The following NTMT2 variants were observed in gnomAD, a reference collection of about 807,000 sequenced individuals.
NTMT2 encodes X-Pro-Lys N-terminal protein methyltransferase 1B.
In NTMT2, 21 loss-of-function variants were observed where a neutral mutation model predicts 23.4. The observed-to-expected ratio is 0.90, with a 90% CI of 0.64 to 1.29. The LOEUF is 1.29. NTMT2 is among the 50% of genes most tolerant of loss of function. The pLI is 0.00. For synonymous variants in NTMT2, 131 were observed against 127.7 expected (o/e 1.03, Z -0.17); for missense variants, 336 against 352.0 (o/e 0.95, Z 0.36).
intron 2 of NTMT2, among the ~76,000 whole-genome samples, chr1:170,162,306 C>T (rs935786534): frequency 3.3e-5 from 5 of 152,132 alleles, no homozygotes; most frequent in African/African-American, 1.2e-4. Flanking sequence ...TGGGGTTAGG[C>T]CATCAACCGA....
intron 1 of NTMT2, among the ~76,000 whole-genome samples, chr1:170,153,650 A>G (rs1283473900): frequency 6.6e-6 from 1 of 152,238 alleles, no homozygotes; most frequent in Non-Finnish European, 1.5e-5. Context: ...AAATTTCTAA[A>G]CAGCAAAACA....
rs1673419549 is a variant in NTMT2, at chr1:170,167,545, GA to G, written c.644del (p.Asn215MetfsTer6). 6.4e-7 allele frequency: 1 copy of G among 1,551,582 alleles called. No homozygotes were observed. Among genetic ancestry groups the G allele is most frequent in the Non-Finnish European group, 8.7e-7 (1 of 1,147,016 alleles). ...TTCCCGGTGCCGAGATGGCCTGAAA[GA>G]AAATGGCATCATCATATTGAAGGAC... The part of the protein sequence containing the change: ...FLSRCRDGLK[E>X]NGIIILKDNV... On this transcript the variant is annotated frameshift_variant, in exon 4 of 4. Transcript: ENST00000439373. LOFTEE classifies it high-confidence loss of function.
intron 2 of NTMT2, among the ~76,000 whole-genome samples, chr1:170,166,142 T>TTTTC (rs1673378206): frequency 7.5e-6 from 1 of 133,046 alleles, no homozygotes; most frequent in Non-Finnish European, 1.6e-5. Flanking sequence ...TTTTTTTTCT[T>TTTTC]TTTTTTTTTT....
chr1:170,147,832 C>T (rs1672995232), intron 1 of NTMT2, among the ~76,000 whole-genome samples: 1 of 152,190 alleles, frequency 6.6e-6, no homozygotes, highest in Non-Finnish European at 1.5e-5. Flanking sequence ...ATAGTCTCTT[C>T]TGAAAAGCAG....
chr1:170,155,555 T>A (rs1228185331), intron 1 of NTMT2, among the ~76,000 whole-genome samples: 1 of 152,126 alleles, frequency 6.6e-6, no homozygotes, highest in Non-Finnish European at 1.5e-5. Flanking sequence ...AGGGCTAACT[T>A]GATCAAATAT....
At chr1:170,154,619 C>T (rs948124925) in intron 1 of NTMT2, among the ~76,000 whole-genome samples, 4 of 152,180 alleles carry the variant, frequency 2.6e-5, no homozygotes, top group African/African-American at 9.7e-5. Flanking sequence ...AATGTTTACC[C>T]AATACCTGTA....
intron 1 of NTMT2, among the ~76,000 whole-genome samples, chr1:170,158,895 C>T (rs981844895): frequency 6.6e-6 from 1 of 151,824 alleles, no homozygotes; most frequent in Non-Finnish European, 1.5e-5. Context: ...TGTGCCTGTT[C>T]TCATATCTCT....
chr1:170,164,248 A>G (rs1280418968), intron 2 of NTMT2, among the ~76,000 whole-genome samples: 2 of 152,366 alleles, frequency 1.3e-5, no homozygotes, highest in Non-Finnish European at 2.9e-5. Context: ...ATGGTGTCCA[A>G]TAAAGTTCAT....
chr1:170,159,432 T>TG (rs1302733031), intron 1 of NTMT2, among the ~76,000 whole-genome samples: 2 of 149,892 alleles, frequency 1.3e-5, no homozygotes, highest in African/African-American at 4.9e-5. Context: ...TTTTTTTTTT[T>TG]TTTTTTTTTT....
At chr1:170,156,520 A>AT (rs1673167248) in intron 1 of NTMT2, among the ~76,000 whole-genome samples, 1 of 152,152 alleles carries the variant, frequency 6.6e-6, no homozygotes, top group African/African-American at 2.4e-5. Flanking sequence ...TAAATATTAC[A>AT]TTAAATAAAA....
Position 170,156,172 on chromosome 1 carries a change from C to A in NTMT2, c.155-4346C>A, listed in dbSNP as rs945735024. 1.4e-4 allele frequency among the ~76,000 whole-genome samples: 21 copies of A among 152,244 alleles called. 4 individuals are homozygous for A. The highest frequency in any genetic ancestry group is 5.2e-4 in the Admixed American group (8 of 15,272). On this transcript the variant is annotated intron_variant, in intron 1 of 3. Transcript: ENST00000439373. ...CATGGTTAAGGTCTTATGGAGTCTTCTTGCTGCTACTTGCAGGCATCTGCT... is the reference window on the plus strand; with the variant it reads ...CATGGTTAAGGTCTTATGGAGTCTTATTGCTGCTACTTGCAGGCATCTGCT...
chr1:170,157,292 A>G (rs1237119162), intron 1 of NTMT2, among the ~76,000 whole-genome samples: 1 of 152,142 alleles, frequency 6.6e-6, no homozygotes, highest in African/African-American at 2.4e-5. Context: ...TAAAATAGCA[A>G]AAAAGCTTCT....
At chr1:170,167,360 G>T in intron 3 of NTMT2, 126 bp from the exon 4 acceptor site, 1 of 849,538 alleles carries the variant, frequency 1.2e-6, no homozygotes, top group South Asian at 1.8e-5. Context: ...GTAACTAAAT[G>T]AGGCTATTAA....
intron 1 of NTMT2, among the ~76,000 whole-genome samples, chr1:170,160,189 T>C (rs942483144): frequency 1.3e-5 from 2 of 152,170 alleles, no homozygotes; most frequent in Admixed American, 1.3e-4. Context: ...ATTCTTTACA[T>C]TATTGTAGCT....
chr1:170,166,782 TC>T, intron 3 of NTMT2, 31 bp downstream of exon 3: 1 of 1,548,110 alleles, frequency 6.5e-7, no homozygotes, highest in African/African-American at 1.4e-5. Flanking sequence ...CCTCTGCTTT[TC>T]TCCCCTTCTC....
intron 2 of NTMT2, among the ~76,000 whole-genome samples, chr1:170,161,845 C>A (rs1308597211): frequency 6.6e-6 from 1 of 152,178 alleles, no homozygotes; most frequent in Non-Finnish European, 1.5e-5. Flanking sequence ...GTAATCCCAG[C>A]ACTTTATGAG....
chr1:170,165,469 C>T (rs1166345092), intron 2 of NTMT2, among the ~76,000 whole-genome samples: 2 of 152,282 alleles, frequency 1.3e-5, no homozygotes, highest in Non-Finnish European at 2.9e-5. Context: ...CAAAACTACC[C>T]TTTATCCATG....
rs1171914134 is a variant in NTMT2 at position 170,166,541 on chromosome 1, G to C, written c.370G>C (p.Gly124Arg). Residue 124 changes from glycine to arginine, a missense_variant, in exon 3 of 4, where the codon GGC becomes CGC. Gly to Arg is a moderately radical substitution (Grantham distance 125). Coordinates refer to ENST00000439373, the MANE Select transcript of NTMT2 (RefSeq NM_001136107.2). Reference sequence around the variant, plus strand: ...TGGAACAGACTGCGCCTTGGACTGCGGCTCCGGGATAGGAAGGGTCAGCAA... The same window carrying C: ...TGGAACAGACTGCGCCTTGGACTGCCGCTCCGGGATAGGAAGGGTCAGCAA... ...RAGTDCALDCGSGIGRVSKHV... is the reference protein window; with the variant it reads ...RAGTDCALDCRSGIGRVSKHV... The C allele has an allele frequency of 6.4e-7, 1 of 1,552,292 alleles. No homozygotes were observed. The highest frequency in any genetic ancestry group is 8.7e-7 in the Non-Finnish European group (1 of 1,147,132).
chr1:170,146,646 AAAAG>A (rs1672969901), intron 1 of NTMT2, among the ~76,000 whole-genome samples: 1 of 152,186 alleles, frequency 6.6e-6, no homozygotes, highest in Non-Finnish European at 1.5e-5. Flanking sequence ...GTAAGAGTTA[AAAAG>A]AAAGACTAAA....
Sources: allele counts gnomAD v4.1 joint callset (sites outside exome capture counted in the v4.1 genomes callset), GRCh38; gene constraint gnomAD v4.1.1; transcripts MANE v1.5; gene names NCBI Gene and HGNC (gene_info 2026-07-23, HGNC 2026-07-21).